The following ATP2B2 variants were observed in gnomAD, a reference collection of about 807,000 sequenced individuals.
The protein encoded by ATP2B2 is plasma membrane calcium-transporting ATPase 2.
A neutral mutation model predicts 120.0 loss-of-function variants in ATP2B2; 15 were observed. The ratio of observed to expected loss-of-function variants is 0.12; its 90% CI spans 0.08 to 0.19. The LOEUF is 0.19. Ranked by LOEUF, ATP2B2 falls within the 10% of genes least tolerant of loss-of-function variation. The pLI is 1.00. For synonymous variants in ATP2B2, 694 were observed against 700.3 expected (o/e 0.99, Z 0.14); for missense variants, 1,045 against 1,719.8 (o/e 0.61, Z 6.94).
chr3:10,700,995 C>T (rs190955540), intron 1 of ATP2B2, among the ~76,000 whole-genome samples: 1 of 152,316 alleles, frequency 6.6e-6, no homozygotes, highest in African/African-American at 2.4e-5. Flanking sequence ...TGACTAATGT[C>T]AAAAGAGGTA....
Position 10,461,936 on chromosome 3 carries a change from C to A in ATP2B2, c.-319-12074G>T, listed in dbSNP as rs143129330. Among the ~76,000 whole-genome samples the A allele has an allele frequency of 1.9e-3, 296 of 152,286 alleles. 1 individual carries two copies. The highest frequency in any genetic ancestry group is 6.7e-3 in the African/African-American group (280 of 41,548). On this transcript the variant is annotated intron_variant, in intron 1 of 22. Coordinates refer to ENST00000360273, the MANE Select transcript of ATP2B2 (RefSeq NM_001001331.4). ...GCCCTTTTCAGTCTTCACGTCCCTG[C>A]CCACGGCTGATGGCACCTCCCTTCC...
intron 1 of ATP2B2, among the ~76,000 whole-genome samples, chr3:10,453,330 T>C (rs945113509): frequency 1.3e-5 from 2 of 152,222 alleles, no homozygotes; most frequent in African/African-American, 2.4e-5. Flanking sequence ...GCCCAGAACA[T>C]AGTCAGCACT....
intron 2 of ATP2B2, among the ~76,000 whole-genome samples, chr3:10,612,951 A>T (rs2125611296): frequency 6.6e-6 from 1 of 152,294 alleles, no homozygotes; most frequent in Admixed American, 6.5e-5. Flanking sequence ...TTATGCTAAG[A>T]GATGAGATGA....
At chr3:10,567,429 T>C (rs1318906177) in intron 2 of ATP2B2, among the ~76,000 whole-genome samples, 1 of 152,162 alleles carries the variant, frequency 6.6e-6, no homozygotes, top group Non-Finnish European at 1.5e-5. Context: ...TCTAATTTTG[T>C]TGATGCTGAT....
At chr3:10,585,623 T>C (rs1371387692) in intron 2 of ATP2B2, among the ~76,000 whole-genome samples, 1 of 151,814 alleles carries the variant, frequency 6.6e-6, no homozygotes, top group Non-Finnish European at 1.5e-5. Context: ...ACTGGCCTTC[T>C]TTCTGTCTCA....
At chr3:10,626,672 G>C (rs1347291215) in intron 1 of ATP2B2, 1 of 152,046 alleles carries the variant, frequency 6.6e-6, no homozygotes, top group Admixed American at 6.6e-5. Flanking sequence ...TGAATAGATG[G>C]AGAAAAGGAT....
Position 10,325,980 on chromosome 3 carries a change from T to C in ATP2B2, c.*2834A>G, listed in dbSNP as rs1001586717. 38 of 145,074 alleles carry C rather than the reference T, an allele frequency of 2.6e-4. 1 individual carries two copies. The highest frequency in any genetic ancestry group is 9.9e-4 in the African/African-American group (37 of 37,472). 9.0% of individuals were successfully genotyped at this position (145,074 alleles called of 1,614,324 possible). On this transcript the variant is annotated 3_prime_UTR_variant, in exon 23 of 23. Transcript: ENST00000360273. Reference sequence around the variant, plus strand: ...TGTTCTGTTTGATGTTGTTTTTTGCTTTTTTTTTTAAACCACAAACATTTC... The same window carrying C: ...TGTTCTGTTTGATGTTGTTTTTTGCCTTTTTTTTTAAACCACAAACATTTC...
At chr3:10,597,799 C>T (rs1370974976) in intron 2 of ATP2B2, among the ~76,000 whole-genome samples, 1 of 152,186 alleles carries the variant, frequency 6.6e-6, no homozygotes, top group Non-Finnish European at 1.5e-5. Context: ...TACATTTCAG[C>T]TGCTGCAGTT....
intron 1 of ATP2B2, among the ~76,000 whole-genome samples, chr3:10,658,176 A>C (rs1364144765): frequency 6.6e-6 from 1 of 152,236 alleles, no homozygotes; most frequent in African/African-American, 2.4e-5. Context: ...AAACTTCTAA[A>C]AATCAGAGCA....
chr3:10,546,181 C>T (rs1040458267), intron 2 of ATP2B2, among the ~76,000 whole-genome samples: 10 of 152,192 alleles, frequency 6.6e-5, no homozygotes, highest in African/African-American at 1.9e-4. Flanking sequence ...TCTCTGTGTG[C>T]CAGTCTCTCT....
At chr3:10,441,974 C>G (rs1235813997) in intron 2 of ATP2B2, among the ~76,000 whole-genome samples, 2 of 152,140 alleles carry the variant, frequency 1.3e-5, no homozygotes, top group African/African-American at 4.8e-5. Context: ...ACATAGTAGG[C>G]ACTTAGTGAT....
chr3:10,504,121 G>A (rs1031123166), intron 1 of ATP2B2, among the ~76,000 whole-genome samples: 23 of 152,186 alleles, frequency 1.5e-4, no homozygotes, highest in African/African-American at 5.1e-4. Flanking sequence ...GGACTAGGGT[G>A]TGAAGGTGGC....
chr3:10,336,350 G>A (rs764934181), intron 22 of ATP2B2: 4 of 1,528,218 alleles, frequency 2.6e-6, no homozygotes, highest in South Asian at 1.2e-5. Context: ...CGAGCACAAC[G>A]GCTACATGAC....
At chr3:10,408,118 C>T (rs542780871) in intron 3 of ATP2B2, among the ~76,000 whole-genome samples, 4 of 152,284 alleles carry the variant, frequency 2.6e-5, no homozygotes, top group African/African-American at 9.6e-5. Flanking sequence ...TCAGGGAGGG[C>T]CCTGTTGGGG....
chr3:10,438,914 G>C (rs1312850430), intron 2 of ATP2B2, among the ~76,000 whole-genome samples: 3 of 152,250 alleles, frequency 2.0e-5, no homozygotes, highest in African/African-American at 7.2e-5. Flanking sequence ...TTGGAAACTG[G>C]GGTCTAGGCC....
intron 1 of ATP2B2, among the ~76,000 whole-genome samples, chr3:10,486,535 G>T (rs1235003402): frequency 6.6e-6 from 1 of 152,074 alleles, no homozygotes; most frequent in East Asian, 1.9e-4. Flanking sequence ...TGCCCAGTAT[G>T]TTCTCACCTC....
chr3:10,642,296 C>T (rs371596296), intron 1 of ATP2B2, among the ~76,000 whole-genome samples: 28 of 152,288 alleles, frequency 1.8e-4, no homozygotes, highest in Admixed American at 1.6e-3. Flanking sequence ...CAGTACCTGG[C>T]GTGTTGCAAG....
At chr3:10,484,235 A>G (rs1490505897) in intron 1 of ATP2B2, among the ~76,000 whole-genome samples, 1 of 152,186 alleles carries the variant, frequency 6.6e-6, no homozygotes, top group Non-Finnish European at 1.5e-5. Flanking sequence ...TCCAGGGACC[A>G]GAGACTTCCA....
At chr3:10,535,188 G>A (rs560124243) in intron 2 of ATP2B2, among the ~76,000 whole-genome samples, 23 of 152,132 alleles carry the variant, frequency 1.5e-4, no homozygotes, top group African/African-American at 5.5e-4. Context: ...ACAGGCATGA[G>A]CCACCGCCCC....
Sources: gnomAD v4.1 joint callset for allele counts (sites outside exome capture counted in the v4.1 genomes callset) on GRCh38, gnomAD v4.1.1 for gene constraint, MANE v1.5 for transcripts, NCBI Gene and HGNC (gene_info 2026-07-23, HGNC 2026-07-21) for gene names.